Variants in GPC6 observed in about 807,000 individuals in gnomAD.
GPC6 encodes glypican 6.
Under a neutral mutation model 55.2 loss-of-function variants are expected in GPC6, and 14 were observed. The ratio of observed to expected loss-of-function variants is 0.25; its 90% CI spans 0.17 to 0.40. The LOEUF is 0.40. Among genes scored for constraint, GPC6 ranks in the 10% least tolerant of loss-of-function variants. The pLI is 1.00. For missense variants in GPC6, 641 were observed against 708.5 expected (o/e 0.90, Z 1.08); for synonymous variants, 278 against 259.6 (o/e 1.07, Z -0.68).
intron 1 of GPC6, among the ~76,000 whole-genome samples, chr13:93,289,441 G>A (rs986904020): frequency 6.6e-6 from 1 of 152,150 alleles, no homozygotes; most frequent in Non-Finnish European, 1.5e-5. Context: ...CAATCAAAAA[G>A]TGAAACAAAA....
intron 5 of GPC6, among the ~76,000 whole-genome samples, chr13:94,299,961 T>A (rs1226542809): frequency 6.6e-6 from 1 of 152,136 alleles, no homozygotes; most frequent in Non-Finnish European, 1.5e-5. Flanking sequence ...GTAATATAAA[T>A]TAGAATCTCA....
chr13:93,610,910 G>A (rs138760104), intron 2 of GPC6, among the ~76,000 whole-genome samples: 1 of 152,050 alleles, frequency 6.6e-6, no homozygotes, highest in Non-Finnish European at 1.5e-5. Flanking sequence ...TATCACCACA[G>A]GTAGTCAATA....
At chr13:93,891,191 T>C (rs1431783346) in intron 3 of GPC6, among the ~76,000 whole-genome samples, 1 of 152,114 alleles carries the variant, frequency 6.6e-6, no homozygotes, top group Non-Finnish European at 1.5e-5. Flanking sequence ...TACTGCTATG[T>C]TTATTTTATT....
intron 4 of GPC6, among the ~76,000 whole-genome samples, chr13:94,227,026 G>A (rs933537179): frequency 4.6e-5 from 7 of 152,180 alleles, no homozygotes; most frequent in African/African-American, 1.4e-4. Context: ...TTCTTCAGCT[G>A]TAAAATGGTG....
At chr13:93,501,380 C>T (rs150866822) in intron 1 of GPC6, among the ~76,000 whole-genome samples, 1 of 152,232 alleles carries the variant, frequency 6.6e-6, no homozygotes, top group East Asian at 1.9e-4. Context: ...GGTGAGAAAA[C>T]TTCCTTCTGT....
intron 2 of GPC6, among the ~76,000 whole-genome samples, chr13:93,753,917 G>A (rs940949110): frequency 1.3e-5 from 2 of 152,086 alleles, no homozygotes; most frequent in African/African-American, 4.8e-5. Flanking sequence ...AAAGCACTGG[G>A]ACCACAGATG....
chr13:94,120,404 TTAGTCA>T (rs1886586277), intron 4 of GPC6, among the ~76,000 whole-genome samples: 1 of 152,134 alleles, frequency 6.6e-6, no homozygotes, highest in Admixed American at 6.6e-5. Context: ...GATCCTGGCC[TTAGTCA>T]CTTACCTTAA....
chr13:93,989,799 G>C (rs1881210990), intron 3 of GPC6, among the ~76,000 whole-genome samples: 1 of 151,914 alleles, frequency 6.6e-6, no homozygotes, highest in Non-Finnish European at 1.5e-5. Flanking sequence ...AGCTTTCTTT[G>C]ATATTTGGTG....
intron 1 of GPC6, among the ~76,000 whole-genome samples, chr13:93,263,179 G>C (rs1490408511): frequency 6.6e-6 from 1 of 152,098 alleles, no homozygotes; most frequent in Non-Finnish European, 1.5e-5. Context: ...GGGAAACCTA[G>C]GTCAAATTCA....
intron 1 of GPC6, among the ~76,000 whole-genome samples, chr13:93,247,350 C>T (rs1475247849): frequency 5.3e-5 from 8 of 152,302 alleles, no homozygotes; most frequent in African/African-American, 1.9e-4. Context: ...TTCTAAAGTA[C>T]TAACAATCTG....
chr13:93,460,940 T>C (rs1329704497), intron 1 of GPC6, among the ~76,000 whole-genome samples: 1 of 152,174 alleles, frequency 6.6e-6, no homozygotes, highest in Non-Finnish European at 1.5e-5. Flanking sequence ...TATAAACTTA[T>C]GATTGAAATT....
At chr13:93,756,488 C>T (rs2138870025) in intron 2 of GPC6, among the ~76,000 whole-genome samples, 1 of 152,292 alleles carries the variant, frequency 6.6e-6, no homozygotes, top group East Asian at 1.9e-4. Context: ...CATATAATTC[C>T]TGTCCCAAAA....
In GPC6 at chr13:94,212,706, A is replaced by G. The variant is rs555690960; in HGVS notation, c.878-73643A>G. Reference sequence around the variant, plus strand: ...AAATAGCTTAGAAGCCCTTCAAGTAATCATAATAAGCTAACACACTTTGAG... The same window carrying G: ...AAATAGCTTAGAAGCCCTTCAAGTAGTCATAATAAGCTAACACACTTTGAG... On this transcript the variant is annotated intron_variant, in intron 4 of 8. Transcript: ENST00000377047. 2.0e-5 allele frequency among the ~76,000 whole-genome samples: 3 copies of G among 152,336 alleles called. No homozygotes were observed. In the South Asian group the frequency reaches 6.2e-4, roughly 32 times the overall value.
chr13:94,164,801 T>A (rs1888294342), intron 4 of GPC6, among the ~76,000 whole-genome samples: 1 of 152,202 alleles, frequency 6.6e-6, no homozygotes, highest in South Asian at 2.1e-4. Flanking sequence ...AAATTGATTT[T>A]TTTTTTACAA....
intron 2 of GPC6, among the ~76,000 whole-genome samples, chr13:93,629,309 GC>G (rs1299539158): frequency 6.6e-6 from 1 of 151,874 alleles, no homozygotes; most frequent in Non-Finnish European, 1.5e-5. Flanking sequence ...TCTTTTTGTG[GC>G]CTGTTATATC....
At chr13:93,895,234 GTATATATATATATATATATATA>G (rs60375718) in intron 3 of GPC6, among the ~76,000 whole-genome samples, 58 of 108,158 alleles carry the variant, frequency 5.4e-4, no homozygotes, top group Middle Eastern at 5.4e-3. Flanking sequence ...GTGTGTGTGT[GTATATATATATATATATATATA>G]TATATATATA....
intron 4 of GPC6, among the ~76,000 whole-genome samples, chr13:94,238,120 T>G (rs9516371): frequency 6.6e-6 from 1 of 151,908 alleles, no homozygotes; most frequent in African/African-American, 2.4e-5. Flanking sequence ...GGAGGATCTT[T>G]GGGGGATAGA....
intron 4 of GPC6, among the ~76,000 whole-genome samples, chr13:94,143,684 T>C (rs1460454211): frequency 6.6e-6 from 1 of 152,036 alleles, no homozygotes; most frequent in Non-Finnish European, 1.5e-5. Flanking sequence ...GCCCACAAGT[T>C]TGAAATGAGA....
At position 93,786,583 on chromosome 13, in the gene GPC6, GA is replaced by G. The variant is rs775947342; in HGVS notation, c.320-43559del. ...CCAGTCAGCTGTAAAATTTCCAGTT[GA>G]AAAAAAAAAAACCATTTTTGTGAAC... On this transcript the variant is annotated intron_variant, in intron 2 of 8. Transcript: ENST00000377047. Among the ~76,000 whole-genome samples the G allele has an allele frequency of 3.7e-3, 483 of 130,862 alleles. 5 individuals carry two copies. Among genetic ancestry groups the G allele is most frequent in the African/African-American group, 5.2e-3 (185 of 35,534 alleles). 85.9% of individuals were successfully genotyped at this position (130,862 alleles called of 152,430 possible). A position where few individuals can be genotyped will look rare whatever the true frequency, so the allele number is the denominator to read the frequency against.
Sources: allele counts gnomAD v4.1 joint callset (sites outside exome capture counted in the v4.1 genomes callset), GRCh38; gene constraint gnomAD v4.1.1; transcripts MANE v1.5; gene names NCBI Gene and HGNC (gene_info 2026-07-23, HGNC 2026-07-21).